The following EPAS1 variants were observed in gnomAD, a reference collection of about 807,000 sequenced individuals.
The protein encoded by EPAS1 is endothelial PAS domain protein 1.
Under a neutral mutation model 87.9 loss-of-function variants are expected in EPAS1, and 23 were observed. The observed-to-expected ratio is 0.26, with a 90% CI of 0.19 to 0.37. EPAS1 has a LOEUF of 0.37. EPAS1 is among the 10% of genes least tolerant of loss of function. EPAS1 has a pLI of 1.00. For synonymous variants in EPAS1, 508 were observed against 444.3 expected, an observed-to-expected ratio of 1.14 and a Z score of -1.80; for missense variants, 1,138 against 1,120.7, an observed-to-expected ratio of 1.02 and a Z score of -0.22.
At chr2:46,313,212 C>T (rs1001453389) in intron 1 of EPAS1, among the ~76,000 whole-genome samples, 5 of 152,168 alleles carry the variant, frequency 3.3e-5, no homozygotes, top group African/African-American at 1.2e-4. Flanking sequence ...TGAGATGTGA[C>T]AGGCCACTCA....
In EPAS1 at chr2:46,380,496, C is replaced by T. The variant is rs201500220; in HGVS notation, c.1824C>T (p.Phe608=). ...EPEHRPMSSI[F]FDAGSKASLP... ...AGCACCGGCCCATGTCCTCCATCTTCTTTGATGCCGGAAGCAAAGCATCCC... is the reference window on the plus strand; with the variant it reads ...AGCACCGGCCCATGTCCTCCATCTTTTTTGATGCCGGAAGCAAAGCATCCC... Residue 608 remains phenylalanine, a synonymous_variant, in exon 12 of 16, where the codon TTC becomes TTT. Transcript: ENST00000263734. This position sits in a 1 kb window ranked among gnomAD's most constrained non-coding sequence, Gnocchi z 4.4. 6.2e-7 allele frequency: 1 copy of T among 1,614,090 alleles called. No individual in the cohort carries two copies. Among genetic ancestry groups the T allele is most frequent in the African/African-American group, 1.3e-5 (1 of 74,918 alleles).
At chr2:46,342,353 C>T (rs1683930376) in intron 1 of EPAS1, among the ~76,000 whole-genome samples, 1 of 152,200 alleles carries the variant, frequency 6.6e-6, no homozygotes, top group African/African-American at 2.4e-5. Flanking sequence ...TTGCATTTGA[C>T]CTTTATTTCC....
In EPAS1 at chr2:46,378,914, G is replaced by T; in HGVS notation, c.1554+147G>T. 3 of 756,742 alleles carry T rather than the reference G, an allele frequency of 4.0e-6. No individual in the cohort carries two copies. The South Asian group carries it at 4.4e-5, about 11-fold the overall frequency. 46.9% of individuals were successfully genotyped at this position (756,742 alleles called of 1,614,324 possible). A position where few individuals can be genotyped will look rare whatever the true frequency, so the allele number is the denominator to read the frequency against. ...GGCCCAGGTCCCCTAAAGAGGTAGGGGTACAGGGTAATGGAGCCTGTGGTC... is the reference window on the plus strand; with the variant it reads ...GGCCCAGGTCCCCTAAAGAGGTAGGTGTACAGGGTAATGGAGCCTGTGGTC... On this transcript the variant is annotated intron_variant, in intron 11 of 15. Transcript: ENST00000263734.
intron 1 of EPAS1, among the ~76,000 whole-genome samples, chr2:46,330,283 A>G (rs530378352): frequency 6.6e-6 from 1 of 152,288 alleles, no homozygotes; most frequent in South Asian, 2.1e-4. Context: ...TCCAGAATCC[A>G]GCTCCGTTTC....
At chr2:46,352,658 G>C (rs1292252802) in intron 2 of EPAS1, among the ~76,000 whole-genome samples, 1 of 152,172 alleles carries the variant, frequency 6.6e-6, no homozygotes, top group East Asian at 1.9e-4. Flanking sequence ...GACCTGGCCA[G>C]GTTCCTTCAG....
intron 1 of EPAS1, among the ~76,000 whole-genome samples, chr2:46,339,637 A>T (rs1420128700): frequency 6.6e-6 from 1 of 152,264 alleles, no homozygotes; most frequent in East Asian, 1.9e-4. Flanking sequence ...AAGTGGTATT[A>T]TTCACTAATA....
At position 46,384,880 on chromosome 2, in the gene EPAS1, A is replaced by T. The variant is rs143570728; in HGVS notation, c.*220A>T. ...TACACAATTGTTTTACCTGTTCTGA[A>T]ATGTTCTTAAATTTTGTAGGATTTT... On this transcript the variant is annotated 3_prime_UTR_variant, in exon 16 of 16. Coordinates refer to ENST00000263734, the MANE Select transcript of EPAS1 (RefSeq NM_001430.5). 3.8e-4 allele frequency: 229 copies of T among 600,604 alleles called. No individual in the cohort carries two copies. Among genetic ancestry groups the T allele is most frequent in the African/African-American group, 3.8e-3 (205 of 53,896 alleles). 37.2% of individuals were successfully genotyped at this position (600,604 alleles called of 1,614,324 possible).
In EPAS1 at chr2:46,328,027, A is replaced by C. The variant is rs142028895; in HGVS notation, c.27-18846A>C. Among the ~76,000 whole-genome samples the C allele has an allele frequency of 4.2e-3, 642 of 152,328 alleles. 7 individuals are homozygous for C. Among genetic ancestry groups the C allele is most frequent in the African/African-American group, 0.015 (627 of 41,556 alleles). On this transcript the variant is annotated intron_variant, in intron 1 of 15. Coordinates refer to ENST00000263734, the MANE Select transcript of EPAS1 (RefSeq NM_001430.5). ...ATTGTCTGAACTTAGGTTTTGAGAA[A>C]ACTTGGCAACAGCCTCAAATTTTTC... is the stretch of plus-strand genomic sequence containing the variant.
chr2:46,363,359 C>A (rs545350942), intron 6 of EPAS1, among the ~76,000 whole-genome samples: 1 of 152,276 alleles, frequency 6.6e-6, no homozygotes, highest in African/African-American at 2.4e-5. Context: ...ACTGGGAAAA[C>A]CCTACTGTCC....
At position 46,371,507 on chromosome 2, in the gene EPAS1, G is replaced by C. The variant is rs1017401202; in HGVS notation, c.886+1574G>C. 6.6e-6 allele frequency among the ~76,000 whole-genome samples: 1 copy of C among 152,062 alleles called. No homozygotes were observed. On this transcript the variant is annotated intron_variant, in intron 7 of 15. Coordinates refer to ENST00000263734, the MANE Select transcript of EPAS1 (RefSeq NM_001430.5). The surrounding 1 kb of genome is among the most constrained non-coding windows in gnomAD (Gnocchi z 4.3). ...CAGACACACACACACAAACAACCTA[G>C]ATTCAGCCCCACTCAGGAACCCAGA... is the stretch of plus-strand genomic sequence containing the variant.
At chr2:46,303,946 C>T (rs573509267) in intron 1 of EPAS1, among the ~76,000 whole-genome samples, 1 of 152,200 alleles carries the variant, frequency 6.6e-6, no homozygotes, top group Non-Finnish European at 1.5e-5. Context: ...CCCTGGCTGG[C>T]GTGTCCGTCC....
chr2:46,374,757 A>G (rs2103660339), intron 7 of EPAS1, among the ~76,000 whole-genome samples: 1 of 152,282 alleles, frequency 6.6e-6, no homozygotes, highest in Middle Eastern at 3.4e-3. Flanking sequence ...GACTTTAAAG[A>G]GATTTATTGA....
chr2:46,324,579 A>AT (rs372849259), intron 1 of EPAS1, among the ~76,000 whole-genome samples: 9 of 152,230 alleles, frequency 5.9e-5, no homozygotes, highest in African/African-American at 2.2e-4. Flanking sequence ...TAAAGGGAGC[A>AT]TTTATGTCCC....
At chr2:46,307,527 T>C (rs1683128699) in intron 1 of EPAS1, among the ~76,000 whole-genome samples, 1 of 152,114 alleles carries the variant, frequency 6.6e-6, no homozygotes, top group South Asian at 2.1e-4. Flanking sequence ...GAGTTGAGGC[T>C]CTTCTTGGTT....
At position 46,386,415 on chromosome 2, in the gene EPAS1, C is replaced by T. The variant is rs1685026416; in HGVS notation, c.*1755C>T. The T allele has an allele frequency of 6.6e-6, 1 of 152,620 alleles. No homozygotes were observed. Among genetic ancestry groups the T allele is most frequent in the South Asian group, 2.1e-4 (1 of 4,832 alleles). 9.5% of individuals were successfully genotyped at this position (152,620 alleles called of 1,614,324 possible). A position where few individuals can be genotyped will look rare whatever the true frequency, so the allele number is the denominator to read the frequency against. The stretch of plus-strand genomic sequence containing the variant: ...CATATTTTAGCTGCACGGCATTACC[C>T]CACACAGGGTGGCAGAACTTGAAGG... On this transcript the variant is annotated 3_prime_UTR_variant, in exon 16 of 16. Coordinates refer to ENST00000263734, the MANE Select transcript of EPAS1 (RefSeq NM_001430.5).
Position 46,300,856 on chromosome 2 carries a change from T to G in EPAS1, c.26+2919T>G, listed in dbSNP as rs542981153. On this transcript the variant is annotated intron_variant, in intron 1 of 15. Transcript: ENST00000263734. This position sits in a 1 kb window ranked among gnomAD's most constrained non-coding sequence, Gnocchi z 4.1. ...ATTGGAGACACCTGGATCTCCAATC[T>G]CCCCCTCCTTCTGACAGCTGGACTT... 3.4e-4 allele frequency among the ~76,000 whole-genome samples: 51 copies of G among 152,078 alleles called. No individual in the cohort carries two copies. The highest frequency in any genetic ancestry group is 5.4e-4 in the Non-Finnish European group (37 of 68,024).
chr2:46,315,926 T>G (rs1397521255), intron 1 of EPAS1, among the ~76,000 whole-genome samples: 2 of 152,252 alleles, frequency 1.3e-5, no homozygotes, highest in African/African-American at 4.8e-5. Flanking sequence ...GTTGCTAAGT[T>G]GTTTTCTTCT....
At position 46,338,721 on chromosome 2, in the gene EPAS1, G is replaced by A. The variant is rs74846046; in HGVS notation, c.27-8152G>A. Among the ~76,000 whole-genome samples, 1,074 of 152,344 alleles carry A rather than the reference G, an allele frequency of 7.0e-3. 31 individuals carry two copies. Among genetic ancestry groups the A allele is most frequent in the East Asian group, 0.069 (359 of 5,186 alleles). On this transcript the variant is annotated intron_variant, in intron 1 of 15. Coordinates refer to ENST00000263734, the MANE Select transcript of EPAS1 (RefSeq NM_001430.5). ...CAGATGCTTTGACCTGCGTATGCAT[G>A]AGGAAGAGAAGCAGCCTAGAGAGAG...
At chr2:46,361,992 G>C (rs959514438) in intron 6 of EPAS1, among the ~76,000 whole-genome samples, 1 of 152,230 alleles carries the variant, frequency 6.6e-6, no homozygotes, top group African/African-American at 2.4e-5. Context: ...GCCCCAGGGA[G>C]GGAAGGAAAT....
Sources: allele counts gnomAD v4.1 joint callset (sites outside exome capture counted in the v4.1 genomes callset), GRCh38; gene constraint gnomAD v4.1.1; non-coding constraint Gnocchi (gnomAD v3.1); transcripts MANE v1.5; gene names NCBI Gene and HGNC (gene_info 2026-07-23, HGNC 2026-07-21).